The following ZMYND8 variants were observed in gnomAD, a reference collection of about 807,000 sequenced individuals.
The protein encoded by ZMYND8 is zinc finger MYND-type containing 8, also known as MYND-type zinc finger-containing chromatin reader ZMYND8.
In ZMYND8, 37 loss-of-function variants were observed where a neutral mutation model predicts 140.8. That is an observed-to-expected ratio of 0.26 (90% CI 0.20 to 0.35). ZMYND8 has a LOEUF of 0.35. ZMYND8 is among the 10% of genes least tolerant of loss of function. The probability of loss-of-function intolerance (pLI) is 1.00; values close to 1 mark genes in which losing one functional copy is unlikely to be tolerated. For missense variants in ZMYND8, 1,068 were observed against 1,570.0 expected (o/e 0.68, Z 5.40); for synonymous variants, 592 against 597.1 (o/e 0.99, Z 0.12).
chr20:47,224,155 C>T (rs938410340), intron 19 of ZMYND8, among the ~76,000 whole-genome samples, 162 bp downstream of exon 19: 19 of 152,244 alleles, frequency 1.2e-4, no homozygotes, highest in African/African-American at 4.6e-4. Flanking sequence ...TGTGCCTGCA[C>T]ACTGCTCACC....
chr20:47,287,152 T>C (rs369460281), intron 8 of ZMYND8, 77 bp downstream of exon 8: 2 of 1,323,314 alleles, frequency 1.5e-6, no homozygotes, highest in African/African-American at 2.9e-5. Context: ...TAATAGGAGA[T>C]TCTGCAAATG....
At chr20:47,221,539 T>C (rs1424178044) in intron 19 of ZMYND8, 65 bp from the exon 20 acceptor site, 15 of 1,549,838 alleles carry the variant, frequency 9.7e-6, no homozygotes, top group Admixed American at 7.4e-5. Context: ...GAAACATGCA[T>C]GGAGCCCCGC....
chr20:47,336,003 G>T (rs945932384), intron 2 of ZMYND8, among the ~76,000 whole-genome samples: 1 of 152,106 alleles, frequency 6.6e-6, no homozygotes, highest in African/African-American at 2.4e-5. Context: ...GCCAAAATAC[G>T]GTTAAAAATA....
At chr20:47,320,036 C>T (rs938838910) in intron 2 of ZMYND8, 2 of 152,182 alleles carry the variant, frequency 1.3e-5, no homozygotes, top group East Asian at 3.8e-4. Context: ...CACTATTTAT[C>T]CAGCCCCTGC....
chr20:47,330,876 C>A (rs1160242542), intron 2 of ZMYND8, among the ~76,000 whole-genome samples: 2 of 152,180 alleles, frequency 1.3e-5, no homozygotes, highest in Non-Finnish European at 2.9e-5. Flanking sequence ...CAGCAGCAGG[C>A]AAGGTGGTAG....
chr20:47,314,520 A>G (rs1054983471), intron 2 of ZMYND8, among the ~76,000 whole-genome samples: 3 of 152,186 alleles, frequency 2.0e-5, no homozygotes, highest in Non-Finnish European at 4.4e-5. Flanking sequence ...CAAAACAAAA[A>G]GAATGCAAAT....
intron 2 of ZMYND8, among the ~76,000 whole-genome samples, chr20:47,314,337 A>G (rs993700562): frequency 3.9e-5 from 6 of 152,074 alleles, no homozygotes; most frequent in Admixed American, 3.9e-4. Flanking sequence ...TGTCTCTACT[A>G]AAAATACAAA....
chr20:47,325,348 G>C (rs1295953796), intron 2 of ZMYND8, among the ~76,000 whole-genome samples: 1 of 152,128 alleles, frequency 6.6e-6, no homozygotes, highest in Non-Finnish European at 1.5e-5. Flanking sequence ...GCCTGGCTCG[G>C]AAGTACCCCA....
chr20:47,221,214 TC>T, intron 20 of ZMYND8, 99 bp downstream of exon 20: 1 of 1,490,376 alleles, frequency 6.7e-7, no homozygotes, highest in South Asian at 1.3e-5. Context: ...AGGACAAGCC[TC>T]CCACAACACG....
intron 6 of ZMYND8, among the ~76,000 whole-genome samples, chr20:47,291,471 C>A (rs1015422819): frequency 1.3e-5 from 2 of 152,172 alleles, no homozygotes; most frequent in African/African-American, 4.8e-5. Context: ...CTCATTAGCA[C>A]CTCCGAAAGA....
At chr20:47,338,436 A>C (rs904741633) in intron 2 of ZMYND8, among the ~76,000 whole-genome samples, 2 of 152,076 alleles carry the variant, frequency 1.3e-5, no homozygotes, top group Non-Finnish European at 2.9e-5. Context: ...AGGAAAAAAA[A>C]AAACATGTTC....
intron 10 of ZMYND8, among the ~76,000 whole-genome samples, chr20:47,278,632 G>A (rs910008702): frequency 2.0e-5 from 3 of 152,050 alleles, no homozygotes; most frequent in African/African-American, 4.8e-5. Flanking sequence ...ACACCAGATC[G>A]TAACACAAAC....
intron 2 of ZMYND8, among the ~76,000 whole-genome samples, chr20:47,344,768 T>G (rs925999423): frequency 6.6e-5 from 10 of 152,170 alleles, no homozygotes; most frequent in Admixed American, 6.5e-5. Context: ...TCCTCAAAAC[T>G]TTTCTGGAAA....
chr20:47,319,345 T>C (rs2079716239), intron 2 of ZMYND8: 1 of 263,808 alleles, frequency 3.8e-6, no homozygotes, highest in Non-Finnish European at 7.6e-6. Context: ...CTGCAGTTGT[T>C]CTGCTGGCCG....
intron 13 of ZMYND8, 79 bp from the exon 14 acceptor site, chr20:47,246,596 C>T (rs2040596135): frequency 2.7e-6 from 4 of 1,497,316 alleles, no homozygotes; most frequent in African/African-American, 1.4e-5. Flanking sequence ...CATTTTTCCA[C>T]ACCAAATGCT....
intron 13 of ZMYND8, 32 bp from the exon 14 acceptor site, chr20:47,246,549 G>A (rs1231696485): frequency 6.5e-6 from 10 of 1,536,290 alleles, no homozygotes; most frequent in Admixed American, 4.3e-5. Flanking sequence ...AGCATGTGGC[G>A]TAGTCACAAA....
intron 14 of ZMYND8, among the ~76,000 whole-genome samples, chr20:47,245,636 A>C (rs2040477767): frequency 6.6e-6 from 1 of 152,278 alleles, no homozygotes; most frequent in African/African-American, 2.4e-5. Context: ...GACAAGATCC[A>C]AATGTTAACA....
intron 2 of ZMYND8, among the ~76,000 whole-genome samples, chr20:47,315,271 G>GTAT (rs2079289229): frequency 6.6e-6 from 1 of 152,166 alleles, no homozygotes. Flanking sequence ...ACACCTGAGA[G>GTAT]TATTCCAAAC....
intron 19 of ZMYND8, 100 bp downstream of exon 19, chr20:47,224,217 G>A (rs2037384412): frequency 6.5e-7 from 1 of 1,544,664 alleles, no homozygotes; most frequent in East Asian, 2.3e-5. Flanking sequence ...AGCCAGGCAA[G>A]CTCCCTTGAC....
Sources: gnomAD v4.1 joint callset for allele counts (sites outside exome capture counted in the v4.1 genomes callset) on GRCh38, gnomAD v4.1.1 for gene constraint, MANE v1.5 for transcripts, NCBI Gene and HGNC (gene_info 2026-07-23, HGNC 2026-07-21) for gene names.